TTC28: variants seen among roughly 807,000 people sequenced by gnomAD.
TTC28 encodes the protein tetratricopeptide repeat protein 28.
TTC28 carries 61 observed loss-of-function variants against 198.0 expected under a neutral mutation model. That is an observed-to-expected ratio of 0.31 (90% CI 0.25 to 0.38). The LOEUF (loss-of-function observed/expected upper bound fraction) is 0.38, where lower values mean the gene tolerates loss of function less well. Ranked by LOEUF, TTC28 falls within the 10% of genes least tolerant of loss-of-function variation. The probability of loss-of-function intolerance (pLI) is 1.00; values close to 1 mark genes in which losing one functional copy is unlikely to be tolerated. For synonymous variants in TTC28, 1,171 were observed against 1,297.8 expected (o/e 0.90, Z 2.10); for missense variants, 2,678 against 3,164.0 (o/e 0.85, Z 3.69).
chr22:28,158,975 C>T (rs372595859), intron 6 of TTC28, among the ~76,000 whole-genome samples: 1 of 152,166 alleles, frequency 6.6e-6, no homozygotes, highest in Non-Finnish European at 1.5e-5. Flanking sequence ...AGTGAAGAGA[C>T]AACCCACAGA....
chr22:28,290,925 A>T (rs1199892051), intron 5 of TTC28, among the ~76,000 whole-genome samples: 1 of 152,124 alleles, frequency 6.6e-6, no homozygotes, highest in African/African-American at 2.4e-5. Flanking sequence ...ACACACACAC[A>T]CACAATGAAA....
intron 2 of TTC28, among the ~76,000 whole-genome samples, chr22:28,591,040 C>CACACATAT (rs1362164401): frequency 1.6e-4 from 5 of 30,752 alleles, no homozygotes; most frequent in African/African-American, 8.1e-4. Flanking sequence ...CACACACACA[C>CACACATAT]ATATATATAT....
intron 12 of TTC28, among the ~76,000 whole-genome samples, chr22:28,034,213 G>A (rs1002047101): frequency 1.1e-4 from 17 of 152,210 alleles, no homozygotes; most frequent in Non-Finnish European, 1.3e-4. Context: ...TCATAGCTCA[G>A]CAGAGGATAA....
At chr22:28,327,189 T>C (rs1056883422) in intron 2 of TTC28, among the ~76,000 whole-genome samples, 1 of 152,196 alleles carries the variant, frequency 6.6e-6, no homozygotes, top group Non-Finnish European at 1.5e-5. Flanking sequence ...TAGACATAAA[T>C]AATGAATAGA....
intron 2 of TTC28, among the ~76,000 whole-genome samples, chr22:28,384,011 G>A (rs567921364): frequency 3.3e-5 from 5 of 152,098 alleles, no homozygotes; most frequent in Admixed American, 2.0e-4. Context: ...AAAACAAACC[G>A]TTCTCTTTGT....
intron 2 of TTC28, among the ~76,000 whole-genome samples, chr22:28,583,460 A>C (rs553165265): frequency 7.9e-5 from 12 of 152,238 alleles, no homozygotes; most frequent in Non-Finnish European, 2.9e-5. Context: ...TCAGCTGTGC[A>C]ATACAACAGA....
chr22:28,561,318 C>T (rs1362239172), intron 2 of TTC28, among the ~76,000 whole-genome samples: 1 of 147,484 alleles, frequency 6.8e-6, no homozygotes, highest in Non-Finnish European at 1.5e-5. Flanking sequence ...CCTTGTGATC[C>T]ACCCACCTCG....
At chr22:28,134,076 C>T (rs991056616) in intron 6 of TTC28, among the ~76,000 whole-genome samples, 8 of 152,208 alleles carry the variant, frequency 5.3e-5, no homozygotes, top group African/African-American at 1.4e-4. Context: ...CTGCAGCCTC[C>T]GCTGCTGATA....
chr22:28,084,189 A>T (rs1455760543), intron 12 of TTC28, among the ~76,000 whole-genome samples: 1 of 152,234 alleles, frequency 6.6e-6, no homozygotes, highest in Non-Finnish European at 1.5e-5. Context: ...ACAGCCTGAG[A>T]TCTGAGAAAG....
At chr22:28,597,075 A>C (rs1380257482) in intron 2 of TTC28, among the ~76,000 whole-genome samples, 1 of 152,122 alleles carries the variant, frequency 6.6e-6, no homozygotes, top group Non-Finnish European at 1.5e-5. Flanking sequence ...TTAATCTCAC[A>C]AATAATCACT....
At chr22:28,114,654 A>G (rs57686964) in intron 6 of TTC28, among the ~76,000 whole-genome samples, 10,611 of 149,670 alleles carry the variant, frequency 0.071, 428 homozygotes, top group South Asian at 0.091. Flanking sequence ...ATCATGGCTC[A>G]CTGCAGCCTC....
At chr22:28,590,529 G>A (rs900534069) in intron 2 of TTC28, among the ~76,000 whole-genome samples, 1 of 152,114 alleles carries the variant, frequency 6.6e-6, no homozygotes, top group Non-Finnish European at 1.5e-5. Context: ...AAGGCCGGAG[G>A]ACTGCTTGAG....
chr22:28,175,279 A>G (rs1178093342), intron 5 of TTC28, among the ~76,000 whole-genome samples: 1 of 152,244 alleles, frequency 6.6e-6, no homozygotes, highest in Admixed American at 6.5e-5. Context: ...ACCTCAAACT[A>G]AAAACTTTTC....
intron 2 of TTC28, among the ~76,000 whole-genome samples, chr22:28,500,981 A>G (rs1189936945): frequency 6.6e-6 from 1 of 152,208 alleles, no homozygotes; most frequent in African/African-American, 2.4e-5. Context: ...TAATTTGATA[A>G]AACATCAGAG....
At chr22:28,368,817 T>C (rs1373282177) in intron 2 of TTC28, among the ~76,000 whole-genome samples, 1 of 151,856 alleles carries the variant, frequency 6.6e-6, no homozygotes, top group Admixed American at 6.5e-5. Context: ...TAAAATTAAA[T>C]ACCTAGGAAT....
At chr22:28,400,976 C>T (rs920078922) in intron 2 of TTC28, among the ~76,000 whole-genome samples, 1 of 152,164 alleles carries the variant, frequency 6.6e-6, no homozygotes, top group African/African-American at 2.4e-5. Flanking sequence ...GGCACAAATT[C>T]TATTCTTATT....
chr22:28,638,492 T>C (rs952903931), intron 1 of TTC28, among the ~76,000 whole-genome samples: 1 of 152,086 alleles, frequency 6.6e-6, no homozygotes, highest in Admixed American at 6.6e-5. Flanking sequence ...ATGGAAAATA[T>C]GGATTAAGAC....
chr22:28,638,544 T>A (rs915246193), intron 1 of TTC28, among the ~76,000 whole-genome samples: 2 of 152,044 alleles, frequency 1.3e-5, no homozygotes, highest in African/African-American at 4.8e-5. Context: ...ATGCAACACA[T>A]GATAAATGGC....
chr22:27,993,223 G>A, intron 18 of TTC28, 64 bp downstream of exon 18: 5 of 1,395,584 alleles, frequency 3.6e-6, no homozygotes, highest in Non-Finnish European at 4.7e-6. Context: ...GGGGCCCAAG[G>A]CCACCAACTG....
Sources: allele counts gnomAD v4.1 joint callset (sites outside exome capture counted in the v4.1 genomes callset), GRCh38; gene constraint gnomAD v4.1.1; transcripts MANE v1.5; gene names NCBI Gene and HGNC (gene_info 2026-07-23, HGNC 2026-07-21).